Variants in CSMD1 observed in about 807,000 individuals in gnomAD.
CSMD1 encodes CUB and Sushi multiple domains 1.
CSMD1 carries 213 observed loss-of-function variants against 417.5 expected under a neutral mutation model. That is an observed-to-expected ratio of 0.51 (90% CI 0.46 to 0.57). CSMD1 has a LOEUF of 0.57. CSMD1 is among the 20% of genes least tolerant of loss of function. The probability of loss-of-function intolerance (pLI) is 0.00; values close to 1 mark genes in which losing one functional copy is unlikely to be tolerated. For synonymous variants in CSMD1, 2,862 were observed against 1,736.8 expected (o/e 1.65, Z -16.11); for missense variants, 6,923 against 4,529.7 (o/e 1.53, Z -15.17).
chr8:4,688,262 T>C lies in CSMD1; in HGVS notation c.86-50704A>G, dbSNP rs532590457. 1.6e-4 allele frequency among the ~76,000 whole-genome samples: 25 copies of C among 152,294 alleles called. No homozygotes were observed. In the South Asian group the frequency reaches 4.4e-3, roughly 27 times the overall value. The stretch of plus-strand genomic sequence containing the variant: ...AGCTTCAGATACAAATTTCAATATG[T>C]ATATTGATCTAACATAATGAATCTA... On this transcript the variant is annotated intron_variant, in intron 1 of 69. Transcript: ENST00000635120.
intron 23 of CSMD1, among the ~76,000 whole-genome samples, chr8:3,323,449 C>CCT (rs143993100): frequency 0.011 from 1,708 of 151,046 alleles, 41 homozygotes; most frequent in African/African-American, 0.039. Flanking sequence ...ATTCTGAACC[C>CCT]CTCTCTCTCT....
intron 49 of CSMD1, among the ~76,000 whole-genome samples, chr8:3,082,988 G>A (rs1211155057): frequency 6.6e-6 from 1 of 152,222 alleles, no homozygotes; most frequent in Non-Finnish European, 1.5e-5. Flanking sequence ...ACGTGGTGAT[G>A]TGTTAATTTA....
chr8:3,837,774 G>T (rs761417562), intron 5 of CSMD1, among the ~76,000 whole-genome samples: 1 of 151,300 alleles, frequency 6.6e-6, no homozygotes, highest in African/African-American at 2.4e-5. Flanking sequence ...TTCCATCTTT[G>T]TTTTCTCAGA....
At chr8:3,567,750 A>C (rs1184446869) in intron 10 of CSMD1, among the ~76,000 whole-genome samples, 2 of 152,112 alleles carry the variant, frequency 1.3e-5, no homozygotes, top group East Asian at 1.9e-4. Flanking sequence ...ACATCCTCTG[A>C]GACCTCTCTG....
chr8:3,463,441 C>G (rs780588748), intron 12 of CSMD1, among the ~76,000 whole-genome samples: 1 of 152,194 alleles, frequency 6.6e-6, no homozygotes, highest in African/African-American at 2.4e-5. Context: ...ACTGAGCATT[C>G]CCACAACATG....
intron 3 of CSMD1, among the ~76,000 whole-genome samples, chr8:4,077,911 G>C (rs1415052758): frequency 6.6e-6 from 1 of 151,952 alleles, no homozygotes; most frequent in Non-Finnish European, 1.5e-5. Context: ...CCTTCCCGAA[G>C]ACCTTGCCAT....
intron 3 of CSMD1, among the ~76,000 whole-genome samples, chr8:4,204,673 G>A (rs906744474): frequency 6.6e-6 from 1 of 151,984 alleles, no homozygotes; most frequent in Non-Finnish European, 1.5e-5. Flanking sequence ...GTAGTATTTT[G>A]AGACACAGTT....
intron 5 of CSMD1, among the ~76,000 whole-genome samples, chr8:3,845,564 G>GTGAT (rs1464162896): frequency 2.0e-5 from 3 of 152,160 alleles, no homozygotes; most frequent in Admixed American, 2.0e-4. Context: ...CAGTGAACGA[G>GTGAT]TGATTATGAA....
chr8:3,367,834 C>T (rs191282659), intron 19 of CSMD1, among the ~76,000 whole-genome samples: 1 of 152,026 alleles, frequency 6.6e-6, no homozygotes, highest in African/African-American at 2.4e-5. Context: ...AGAATGTTTA[C>T]AATGGGTTTC....
chr8:3,091,119 A>G (rs1043064148), intron 48 of CSMD1, among the ~76,000 whole-genome samples: 3 of 152,068 alleles, frequency 2.0e-5, no homozygotes, highest in African/African-American at 4.8e-5. Flanking sequence ...GATAGATACA[A>G]AAACATAACT....
intron 3 of CSMD1, among the ~76,000 whole-genome samples, chr8:4,246,123 C>T (rs980421415): frequency 3.7e-4 from 56 of 152,208 alleles, no homozygotes; most frequent in African/African-American, 1.3e-3. Context: ...TATTTGATCA[C>T]CCAGATATTA....
At chr8:4,959,543 C>T (rs1809339307) in intron 1 of CSMD1, among the ~76,000 whole-genome samples, 1 of 152,216 alleles carries the variant, frequency 6.6e-6, no homozygotes, top group Non-Finnish European at 1.5e-5. Flanking sequence ...CCATGGTGAC[C>T]ACTCTGGTCA....
Position 4,772,210 on chromosome 8 carries a change from T to C in CSMD1, c.86-134652A>G, listed in dbSNP as rs112607405. ...CTGATGTCCACGCATCATTCTCTGC[T>C]TCCAGCAGCAGCCTGGGCTCCTCAA... On this transcript the variant is annotated intron_variant, in intron 1 of 69. Transcript: ENST00000635120. 3.4e-3 allele frequency among the ~76,000 whole-genome samples: 523 copies of C among 152,254 alleles called. 8 individuals are homozygous for C. The highest frequency in any genetic ancestry group is 0.012 in the African/African-American group (506 of 41,568).
chr8:3,333,432 C>T (rs1029679153), intron 23 of CSMD1, among the ~76,000 whole-genome samples: 1 of 152,214 alleles, frequency 6.6e-6, no homozygotes, highest in Non-Finnish European at 1.5e-5. Context: ...AAAACAAACA[C>T]TGCTTATTGG....
intron 3 of CSMD1, among the ~76,000 whole-genome samples, chr8:4,306,319 C>G (rs1294504552): frequency 6.6e-6 from 1 of 152,184 alleles, no homozygotes; most frequent in Non-Finnish European, 1.5e-5. Context: ...CCAGCTCGAT[C>G]CTTCCATCAT....
intron 9 of CSMD1, among the ~76,000 whole-genome samples, chr8:3,579,167 A>G (rs1800275986): frequency 6.6e-6 from 1 of 152,218 alleles, no homozygotes; most frequent in Non-Finnish European, 1.5e-5. Flanking sequence ...TAAAACTAGA[A>G]TTCACAGAAT....
intron 10 of CSMD1, among the ~76,000 whole-genome samples, chr8:3,515,754 G>A (rs1430220157): frequency 6.6e-6 from 1 of 152,178 alleles, no homozygotes; most frequent in Non-Finnish European, 1.5e-5. Flanking sequence ...CTTCCCCATT[G>A]ACTTCATTTA....
At chr8:3,862,778 A>C (rs1295800197) in intron 5 of CSMD1, among the ~76,000 whole-genome samples, 2 of 152,228 alleles carry the variant, frequency 1.3e-5, no homozygotes, top group Non-Finnish European at 2.9e-5. Flanking sequence ...GATTACACAC[A>C]GAGAAGTTAA....
intron 1 of CSMD1, among the ~76,000 whole-genome samples, chr8:4,948,858 A>T (rs144564445): frequency 6.6e-6 from 1 of 152,236 alleles, no homozygotes; most frequent in African/African-American, 2.4e-5. Flanking sequence ...TTATGGTGTG[A>T]ATCTTTTCAT....
Sources: allele counts gnomAD v4.1 joint callset (sites outside exome capture counted in the v4.1 genomes callset), GRCh38; gene constraint gnomAD v4.1.1; transcripts MANE v1.5; gene names NCBI Gene and HGNC (gene_info 2026-07-23, HGNC 2026-07-21).